RNF212B: variants seen among roughly 807,000 people sequenced by gnomAD.
RNF212B encodes ring finger protein 212B, also known as E3 ubiquitin-protein ligase RNF212B.
In RNF212B, 52 loss-of-function variants were observed where a neutral mutation model predicts 55.5. That is an observed-to-expected ratio of 0.94 (90% CI 0.75 to 1.18). The LOEUF is 1.18. Ranked by LOEUF, RNF212B falls within the 50% of genes most tolerant of loss-of-function variation. The pLI is 0.00. For synonymous variants in RNF212B, 99 were observed against 121.4 expected, an observed-to-expected ratio of 0.82 and a Z score of 1.21; for missense variants, 289 against 350.4, an observed-to-expected ratio of 0.82 and a Z score of 1.40.
At chr14:23,244,663 G>A (rs1566425156) in intron 4 of RNF212B, among the ~76,000 whole-genome samples, 1 of 152,114 alleles carries the variant, frequency 6.6e-6, no homozygotes, top group Non-Finnish European at 1.5e-5. Flanking sequence ...ACGACTAAAG[G>A]TTGTTTTAGG....
chr14:23,218,244 T>A (rs1418081975), intron 2 of RNF212B, among the ~76,000 whole-genome samples: 1 of 152,034 alleles, frequency 6.6e-6, no homozygotes, highest in African/African-American at 2.4e-5. Context: ...GGCACACACC[T>A]GTAGTCCCAG....
chr14:23,233,391 A>C (rs894743436), upstream of RNF212B, among the ~76,000 whole-genome samples: 6 of 148,578 alleles, frequency 4.0e-5, no homozygotes, highest in Non-Finnish European at 8.9e-5. Flanking sequence ...AGAAACACCC[A>C]AGAATGATCA....
chr14:23,257,217 A>G (rs1884911990), intron 4 of RNF212B, among the ~76,000 whole-genome samples: 1 of 152,132 alleles, frequency 6.6e-6, no homozygotes, highest in African/African-American at 2.4e-5. Flanking sequence ...GGGTCTTGCT[A>G]TGTTGCTTAG....
chr14:23,194,725 AC>A (rs1435570634), intron 2 of RNF212B, among the ~76,000 whole-genome samples: 1 of 105,884 alleles, frequency 9.4e-6, no homozygotes, highest in Non-Finnish European at 1.8e-5. Context: ...ACAGAGTGAG[AC>A]TCTGTCTCAA....
intron 1 of RNF212B, among the ~76,000 whole-genome samples, chr14:23,187,760 G>A (rs1341094897): frequency 1.3e-5 from 2 of 152,004 alleles, no homozygotes; most frequent in Non-Finnish European, 2.9e-5. Flanking sequence ...CCATATCTAT[G>A]TGCTTTAGTT....
chr14:23,196,478 C>A (rs1437709525), intron 2 of RNF212B, among the ~76,000 whole-genome samples: 1 of 152,168 alleles, frequency 6.6e-6, no homozygotes, highest in Non-Finnish European at 1.5e-5. Context: ...CCTGCTCTGT[C>A]ACACGGGCTG....
At chr14:23,242,906 G>A (rs558523497) in intron 2 of RNF212B, among the ~76,000 whole-genome samples, 4 of 145,652 alleles carry the variant, frequency 2.7e-5, no homozygotes, top group Admixed American at 2.7e-4. Flanking sequence ...TTGAGCCCGG[G>A]AGGTTGAGGC....
chr14:23,210,161 A>G (rs1594880481), intron 2 of RNF212B, among the ~76,000 whole-genome samples: 1 of 152,314 alleles, frequency 6.6e-6, no homozygotes, highest in East Asian at 1.9e-4. Context: ...ACACGAACAA[A>G]CAAAATAAAC....
intron 3 of RNF212B, 77 bp downstream of exon 3, chr14:23,243,385 A>G: frequency 8.0e-7 from 1 of 1,253,882 alleles, no homozygotes; most frequent in Non-Finnish European, 1.1e-6. Context: ...AGTACAGATG[A>G]TGAATTGTTT....
chr14:23,213,206 G>GA (rs1880716139), intron 2 of RNF212B, among the ~76,000 whole-genome samples: 1 of 151,846 alleles, frequency 6.6e-6, no homozygotes, highest in African/African-American at 2.4e-5. Flanking sequence ...CCAGCTACTC[G>GA]GGAGGCTGAG....
chr14:23,256,592 G>A (rs918597121), intron 4 of RNF212B, among the ~76,000 whole-genome samples: 6 of 151,972 alleles, frequency 3.9e-5, no homozygotes, highest in Non-Finnish European at 5.9e-5. Flanking sequence ...GGCTGGTCTC[G>A]AACTCCTGAC....
chr14:23,217,913 A>G (rs1566404624), intron 2 of RNF212B, among the ~76,000 whole-genome samples: 1 of 152,192 alleles, frequency 6.6e-6, no homozygotes, highest in African/African-American at 2.4e-5. Context: ...TCAATACTGG[A>G]GAAACAGGGA....
chr14:23,222,851 G>A (rs908371080), intron 2 of RNF212B, among the ~76,000 whole-genome samples: 2 of 151,934 alleles, frequency 1.3e-5, no homozygotes, highest in Admixed American at 6.6e-5. Context: ...TCAGGAGTTC[G>A]AGACCTGCCT....
intron 4 of RNF212B, 38 bp from the exon 5 acceptor site, chr14:23,258,511 A>G (rs1372687555): frequency 2.0e-6 from 2 of 981,034 alleles, no homozygotes; most frequent in Admixed American, 5.1e-5. Context: ...GAAAGGAGTT[A>G]TGGGAGAGTA....
chr14:23,231,583 A>G (rs1026194530), intron 2 of RNF212B, among the ~76,000 whole-genome samples: 1 of 152,162 alleles, frequency 6.6e-6, no homozygotes, highest in Non-Finnish European at 1.5e-5. Flanking sequence ...TTCAGAGTAG[A>G]AGAAAAGATA....
At chr14:23,257,987 G>T (rs919595502) in intron 4 of RNF212B, among the ~76,000 whole-genome samples, 2 of 152,146 alleles carry the variant, frequency 1.3e-5, no homozygotes, top group Non-Finnish European at 2.9e-5. Context: ...CTTCTTGCAC[G>T]GGATGAAAAA....
intron 2 of RNF212B, among the ~76,000 whole-genome samples, chr14:23,207,219 C>T (rs1004734797): frequency 1.3e-5 from 2 of 152,132 alleles, no homozygotes; most frequent in East Asian, 3.8e-4. Context: ...GAATTAACAC[C>T]AGCTGGCTGG....
Position 23,185,678 on chromosome 14 carries a change from TC to T in RNF212B, c.-79+189del, listed in dbSNP as rs1877522962. Among the ~76,000 whole-genome samples, 7 of 152,324 alleles carry T rather than the reference TC, an allele frequency of 4.6e-5. No individual in the cohort carries two copies. In the South Asian group the frequency reaches 1.0e-3, roughly 23 times the overall value. On this transcript the variant is annotated intron_variant, in intron 1 of 15. Coordinates refer to the RNF212B transcript ENST00000399910. ...AAGGGGGTTATGGGATCAAATACGTTCTTGGAATACAGCGGTACTAGGTGCA... is the reference window on the plus strand; with the variant it reads ...AAGGGGGTTATGGGATCAAATACGTTTTGGAATACAGCGGTACTAGGTGCA...
intron 14 of RNF212B, among the ~76,000 whole-genome samples, chr14:23,272,264 C>T (rs1050043520): frequency 2.6e-5 from 4 of 151,876 alleles, no homozygotes; most frequent in African/African-American, 9.7e-5. Context: ...AAAAAAAGTA[C>T]AAAAAATTAG....
Sources: allele counts gnomAD v4.1 joint callset (sites outside exome capture counted in the v4.1 genomes callset), GRCh38; gene constraint gnomAD v4.1.1; transcripts MANE v1.5; gene names NCBI Gene and HGNC (gene_info 2026-07-23, HGNC 2026-07-21).